AGPAT4: variants seen among roughly 807,000 people sequenced by gnomAD.
AGPAT4 encodes the protein 1-acylglycerol-3-phosphate O-acyltransferase 4.
Under a neutral mutation model 48.0 loss-of-function variants are expected in AGPAT4, and 15 were observed. The observed-to-expected ratio is 0.31, with a 90% confidence interval of 0.21 to 0.48. The LOEUF (loss-of-function observed/expected upper bound fraction) is 0.48, where lower values mean the gene tolerates loss of function less well. Among genes scored for constraint, AGPAT4 ranks in the 20% least tolerant of loss-of-function variants. The pLI is 0.99. For missense variants in AGPAT4, 314 were observed against 482.5 expected (o/e 0.65, Z 3.27); for synonymous variants, 178 against 198.7 (o/e 0.90, Z 0.88).
intron 2 of AGPAT4, among the ~76,000 whole-genome samples, chr6:161,205,032 T>A (rs1781343370): frequency 1.3e-5 from 2 of 152,214 alleles, no homozygotes; most frequent in South Asian, 2.1e-4. Flanking sequence ...CACTGGGGAC[T>A]GGGCAAAGGA....
chr6:161,170,471 G>GCACACACACACACACACACACA (rs1216836382), intron 2 of AGPAT4, among the ~76,000 whole-genome samples: 2 of 113,808 alleles, frequency 1.8e-5, no homozygotes, highest in East Asian at 4.4e-4. Context: ...ACGTGCGCGC[G>GCACACACACACACACACACACA]CGCACACACA....
rs1384519818 is a variant in AGPAT4, at chr6:161,154,233, G to C, written c.426C>G (p.Val142=). 6.2e-7 allele frequency: 1 copy of C among 1,614,176 alleles called. No homozygotes were observed. Among genetic ancestry groups the C allele is most frequent in the East Asian group, 2.2e-5 (1 of 44,878 alleles). Reference sequence around the variant, plus strand: ...CCTGCTCCCACTTGCGCGAACAGAAGACCATCTCGGTGAAGTACCACATCC... The same window carrying C: ...CCTGCTCCCACTTGCGCGAACAGAACACCATCTCGGTGAAGTACCACATCC... The part of the protein sequence containing the change: ...IGWMWYFTEM[V]FCSRKWEQDR... Residue 142 remains valine, a synonymous_variant, in exon 4 of 9, where the codon GTC becomes GTG. Transcript: ENST00000320285. The surrounding 1 kb of genome is among the most constrained non-coding windows in gnomAD (Gnocchi z 7.8).
rs563689470 is a variant in AGPAT4, at chr6:161,142,529, C to G, written c.844-2909G>C. ...AGAACGAGATCCTATTGAGAGGCGG[C>G]AGATCCCCGGACGAACGCCCCCTGC... is the stretch of plus-strand genomic sequence containing the variant. On this transcript the variant is annotated intron_variant, in intron 7 of 8. Transcript: ENST00000320285. This position sits in a 1 kb window ranked among gnomAD's most constrained non-coding sequence, Gnocchi z 6.4. Among the ~76,000 whole-genome samples the G allele has an allele frequency of 1.8e-4, 27 of 152,158 alleles. No homozygotes were observed. The highest frequency in any genetic ancestry group is 2.9e-4 in the Non-Finnish European group (20 of 68,028).
rs1125640 is a variant in AGPAT4, at chr6:161,171,068, C to T, written c.179-4651G>A. ...CAGTGGGCACCTGAGCAATCCATCCCGACCAGAAGCTATCAGCAGGTGCTG... is the reference window on the plus strand; with the variant it reads ...CAGTGGGCACCTGAGCAATCCATCCTGACCAGAAGCTATCAGCAGGTGCTG... On this transcript the variant is annotated intron_variant, in intron 2 of 8. Transcript: ENST00000320285. This position sits in a 1 kb window ranked among gnomAD's most constrained non-coding sequence, Gnocchi z 4.4. 0.94 allele frequency among the ~76,000 whole-genome samples: 143,422 copies of T among 152,306 alleles called. 67,588 individuals carry two copies. The highest frequency in any genetic ancestry group is 0.99 in the African/African-American group (41,017 of 41,576).
At chr6:161,170,471 GCGCACACACACACA>G (rs1161714496) in intron 2 of AGPAT4, among the ~76,000 whole-genome samples, 36 of 113,728 alleles carry the variant, frequency 3.2e-4, no homozygotes, top group African/African-American at 6.9e-4. Context: ...ACGTGCGCGC[GCGCACACACACACA>G]CACACACACA....
intron 2 of AGPAT4, among the ~76,000 whole-genome samples, chr6:161,213,282 T>C (rs893910659): frequency 6.6e-6 from 1 of 152,244 alleles, no homozygotes; most frequent in Non-Finnish European, 1.5e-5. Flanking sequence ...CTTGCTGCAC[T>C]GTATACAAAT....
intron 1 of AGPAT4, among the ~76,000 whole-genome samples, chr6:161,241,447 C>G (rs978639665): frequency 2.0e-5 from 3 of 152,134 alleles, no homozygotes; most frequent in Non-Finnish European, 2.9e-5. Context: ...CCTCTAATAA[C>G]TAACCTTTAG....
chr6:161,191,896 G>A (rs1458682643), intron 2 of AGPAT4, among the ~76,000 whole-genome samples: 3 of 152,150 alleles, frequency 2.0e-5, no homozygotes, highest in Admixed American at 2.0e-4. Context: ...TTGAACAAGT[G>A]ATTTAACTGT....
intron 2 of AGPAT4, among the ~76,000 whole-genome samples, chr6:161,188,571 G>A (rs6931157): frequency 0.07 from 10,701 of 152,172 alleles, 1,256 homozygotes; most frequent in African/African-American, 0.24. Context: ...TATGTCCCAC[G>A]CAATACTAAA....
chr6:161,176,725 C>T (rs1201904819), intron 2 of AGPAT4, among the ~76,000 whole-genome samples: 1 of 152,184 alleles, frequency 6.6e-6, no homozygotes, highest in Non-Finnish European at 1.5e-5. Flanking sequence ...GATGCAGTTT[C>T]TTCCTAGGAT....
chr6:161,271,820 C>G (rs1783433136), intron 1 of AGPAT4, among the ~76,000 whole-genome samples: 1 of 152,278 alleles, frequency 6.6e-6, no homozygotes, highest in South Asian at 2.1e-4. Context: ...ACATCGCAGA[C>G]TTTGATTTAC....
chr6:161,265,778 T>G (rs73019337), intron 1 of AGPAT4, among the ~76,000 whole-genome samples: 4,892 of 152,232 alleles, frequency 0.032, 104 homozygotes, highest in South Asian at 0.052. Flanking sequence ...GCCTGGCCCA[T>G]TTCCTCACTG....
chr6:161,210,783 A>G (rs1240073037), intron 2 of AGPAT4, among the ~76,000 whole-genome samples: 1 of 152,228 alleles, frequency 6.6e-6, no homozygotes, highest in African/African-American at 2.4e-5. Flanking sequence ...AATTTGGCAT[A>G]GGGGTTACAA....
rs1317789761 is a variant in AGPAT4, at chr6:161,273,799, C to CCA, written c.-90+138_-90+139insTG. On this transcript the variant is annotated intron_variant, in intron 1 of 8. Coordinates refer to ENST00000320285, the MANE Select transcript of AGPAT4 (RefSeq NM_020133.3). ...TTCCCCCGCCCGCCTTGCACTCCCCCCCCGCCCCCGGAGCCTACCCCTTCC... is the reference window on the plus strand; with the variant it reads ...TTCCCCCGCCCGCCTTGCACTCCCCCCACCCGCCCCCGGAGCCTACCCCTTCC... 2.2e-3 allele frequency: 329 copies of CCA among 149,420 alleles called. 3 individuals carry two copies. The highest frequency in any genetic ancestry group is 7.6e-3 in the African/African-American group (307 of 40,500). The allele number at this position is 149,420 out of a possible 1,614,324, so 9.3% of individuals were successfully genotyped here.
chr6:161,190,093 G>A (rs1780878623), intron 2 of AGPAT4, among the ~76,000 whole-genome samples: 1 of 152,200 alleles, frequency 6.6e-6, no homozygotes, highest in African/African-American at 2.4e-5. Context: ...TGTATCTGAA[G>A]TGCAGCCATG....
intron 2 of AGPAT4, among the ~76,000 whole-genome samples, chr6:161,190,696 T>G (rs1038818923): frequency 4.6e-5 from 7 of 151,894 alleles, no homozygotes; most frequent in Non-Finnish European, 8.8e-5. Context: ...TCTCTAATCA[T>G]GCCAATGGGA....
At chr6:161,191,703 T>C (rs1780927962) in intron 2 of AGPAT4, among the ~76,000 whole-genome samples, 1 of 152,236 alleles carries the variant, frequency 6.6e-6, no homozygotes, top group African/African-American at 2.4e-5. Flanking sequence ...ACATTTAAAA[T>C]ATCAGAAACA....
At chr6:161,263,507 A>G (rs2114754819) in intron 1 of AGPAT4, among the ~76,000 whole-genome samples, 1 of 152,336 alleles carries the variant, frequency 6.6e-6, no homozygotes, top group East Asian at 1.9e-4. Context: ...AAAACAAACA[A>G]GAAAAAGACA....
chr6:161,170,359 C>T (rs112711920), intron 2 of AGPAT4, among the ~76,000 whole-genome samples: 1,681 of 152,078 alleles, frequency 0.011, 22 homozygotes, highest in African/African-American at 0.032. Flanking sequence ...TCCTCTTTAC[C>T]GCCCCAACCT....
Sources: gnomAD v4.1 joint callset for allele counts (sites outside exome capture counted in the v4.1 genomes callset) on GRCh38, gnomAD v4.1.1 for gene constraint, Gnocchi (gnomAD v3.1) non-coding constraint, MANE v1.5 for transcripts, NCBI Gene and HGNC (gene_info 2026-07-23, HGNC 2026-07-21) for gene names.